The following MDFI variants were observed in gnomAD, a reference collection of about 807,000 sequenced individuals.
MDFI encodes the protein MyoD family inhibitor.
A neutral mutation model predicts 22.3 loss-of-function variants in MDFI; 16 were observed. The observed-to-expected ratio is 0.72, with a 90% CI of 0.49 to 1.09. MDFI has a LOEUF of 1.09. MDFI is among the 50% of genes least tolerant of loss of function. The probability of loss-of-function intolerance (pLI) is 0.00; values close to 1 mark genes in which losing one functional copy is unlikely to be tolerated. For synonymous variants in MDFI, 145 were observed against 142.7 expected (o/e 1.02, Z -0.12); for missense variants, 314 against 326.1 (o/e 0.96, Z 0.29).
At chr6:41,647,878 T>TAA (rs1328605405) in intron 3 of MDFI, among the ~76,000 whole-genome samples, 1 of 151,260 alleles carries the variant, frequency 6.6e-6, no homozygotes, top group South Asian at 2.1e-4. Context: ...CCATCCCTAC[T>TAA]AAAAAATACA....
chr6:41,642,797 G>A (rs1317020760), intron 2 of MDFI, among the ~76,000 whole-genome samples: 1 of 152,132 alleles, frequency 6.6e-6, no homozygotes, highest in Non-Finnish European at 1.5e-5. Context: ...TGTGGGATGG[G>A]CCTCCTCGGG....
rs376519328 is a variant in MDFI, at chr6:41,653,584, C to T, written c.*9C>T. On this transcript the variant is annotated 3_prime_UTR_variant, in exon 5 of 5. Transcript: ENST00000230321. This position sits in a 1 kb window ranked among gnomAD's most constrained non-coding sequence, Gnocchi z 4.2. ...TCTGCTTCTCCTCCTGAGCCTCTGTCGGGGGCTAAGCCAGCCTGGCGCCCC... is the reference window on the plus strand; with the variant it reads ...TCTGCTTCTCCTCCTGAGCCTCTGTTGGGGGCTAAGCCAGCCTGGCGCCCC... 6.1e-5 allele frequency: 97 copies of T among 1,599,222 alleles called. No homozygotes were observed. The highest frequency in any genetic ancestry group is 4.7e-4 in the African/African-American group (35 of 75,046).
At chr6:41,652,826 C>T (rs910668950) in intron 4 of MDFI, among the ~76,000 whole-genome samples, 2 of 152,008 alleles carry the variant, frequency 1.3e-5, no homozygotes, top group Admixed American at 1.3e-4. Context: ...CCATGTTGGC[C>T]AGGCTGGTCT....
In MDFI at chr6:41,653,738, G is replaced by GT; in HGVS notation, c.*164dup. 2.2e-6 allele frequency: 2 copies of GT among 912,376 alleles called. No individual in the cohort carries two copies. Among genetic ancestry groups the GT allele is most frequent in the Non-Finnish European group, 3.2e-6 (2 of 617,896 alleles). The allele number at this position is 912,376 out of a possible 1,614,324, so 56.5% of individuals were successfully genotyped here. A position where few individuals can be genotyped will look rare whatever the true frequency, so the allele number is the denominator to read the frequency against. On this transcript the variant is annotated 3_prime_UTR_variant, in exon 5 of 5. Transcript: ENST00000230321. The surrounding 1 kb of genome is among the most constrained non-coding windows in gnomAD (Gnocchi z 4.2). ...TCTCAGAACCCCAGCCTTGAAAATA[G>GT]TGGGGGGCACTCAGAGGGGCCACCT...
chr6:41,651,815 G>A (rs1331875738), intron 4 of MDFI, among the ~76,000 whole-genome samples: 1 of 152,226 alleles, frequency 6.6e-6, no homozygotes, highest in Non-Finnish European at 1.5e-5. Flanking sequence ...GCAGGACGTG[G>A]GTTCTAGAGC....
chr6:41,639,130 C>A, intron 2 of MDFI: 1 of 660,402 alleles, frequency 1.5e-6, no homozygotes, highest in Non-Finnish European at 1.9e-6. Flanking sequence ...CGGTGTCTGT[C>A]CGTCTGGGAT....
At chr6:41,646,782 T>G (rs1768069288) in intron 3 of MDFI, among the ~76,000 whole-genome samples, 1 of 152,180 alleles carries the variant, frequency 6.6e-6, no homozygotes, top group Non-Finnish European at 1.5e-5. Flanking sequence ...ATTTTCCACC[T>G]TCACCCTCAA....
At position 41,639,451 on chromosome 6, in the gene MDFI, C is replaced by T. The variant is rs1767768449; in HGVS notation, c.76+626C>T. On this transcript the variant is annotated intron_variant, in intron 2 of 4. Coordinates refer to ENST00000230321, the MANE Select transcript of MDFI (RefSeq NM_005586.4). ...AAATGCCCCGTCCCGCGCCTGGCGC[C>T]GTCTGTAACCTACCCGCGATTCCTG... 7.1e-6 allele frequency: 7 copies of T among 985,320 alleles called. No homozygotes were observed. In the Admixed American group the frequency reaches 1.8e-4, roughly 26 times the overall value. The allele number at this position is 985,320 out of a possible 1,614,324, so 61.0% of individuals were successfully genotyped here.
intron 3 of MDFI, among the ~76,000 whole-genome samples, chr6:41,646,622 G>A (rs1172212476): frequency 6.6e-6 from 1 of 152,138 alleles, no homozygotes; most frequent in Non-Finnish European, 1.5e-5. Context: ...GGTCCGGCAG[G>A]GAGCCAGGGC....
At chr6:41,648,243 T>G (rs1047600453) in intron 3 of MDFI, among the ~76,000 whole-genome samples, 1 of 152,190 alleles carries the variant, frequency 6.6e-6, no homozygotes, top group South Asian at 2.1e-4. Context: ...ACTTGCTAGC[T>G]GTGTGACCTT....
intron 3 of MDFI, among the ~76,000 whole-genome samples, chr6:41,646,919 A>C (rs559346250): frequency 1.3e-5 from 2 of 152,296 alleles, no homozygotes; most frequent in Non-Finnish European, 2.9e-5. Flanking sequence ...ATCAGCCTGC[A>C]ATGAGGCAGC....
chr6:41,640,545 G>A (rs1191082246), intron 2 of MDFI, among the ~76,000 whole-genome samples: 2 of 152,220 alleles, frequency 1.3e-5, no homozygotes, highest in Admixed American at 1.3e-4. Flanking sequence ...GAATGAGCCT[G>A]CTGCCCAGGA....
At chr6:41,652,442 A>G (rs376807595) in intron 4 of MDFI, among the ~76,000 whole-genome samples, 35 of 152,174 alleles carry the variant, frequency 2.3e-4, no homozygotes, top group African/African-American at 7.0e-4. Context: ...GAGGAGGGCC[A>G]GGATCCAACA....
At chr6:41,647,266 G>A (rs1373487984) in intron 3 of MDFI, among the ~76,000 whole-genome samples, 2 of 152,228 alleles carry the variant, frequency 1.3e-5, no homozygotes, top group Non-Finnish European at 2.9e-5. Flanking sequence ...CTGTGTCTGT[G>A]AGCCCTGAGT....
intron 2 of MDFI, 140 bp from the exon 3 acceptor site, chr6:41,645,986 A>C: frequency 1.4e-6 from 1 of 711,090 alleles, no homozygotes; most frequent in Non-Finnish European, 2.1e-6. Context: ...GTTGTCAGCT[A>C]GAGTAAGGGC....
At chr6:41,639,754 C>G in intron 2 of MDFI, 2 of 985,436 alleles carry the variant, frequency 2.0e-6, no homozygotes, top group Non-Finnish European at 2.4e-6. Flanking sequence ...CCCCTTTCCC[C>G]TCTTTGACTC....
At chr6:41,638,397 G>A (rs915345507), upstream of MDFI, 1 of 285,846 alleles carries the variant, frequency 3.5e-6, no homozygotes, top group African/African-American at 2.3e-5. This position sits in a 1 kb window ranked among gnomAD's most constrained non-coding sequence, Gnocchi z 7.6. Context: ...GCGGGGAGAG[G>A]GTGGGCCAGG....
At chr6:41,639,106 AC>A in intron 2 of MDFI, 1 of 522,114 alleles carries the variant, frequency 1.9e-6, no homozygotes, top group Non-Finnish European at 2.4e-6. Flanking sequence ...ACAAACACAC[AC>A]ACATACACTC....
In MDFI at chr6:41,638,553, G is replaced by A. The variant is rs796428522; in HGVS notation, c.-111G>A. 24 of 561,360 alleles carry A rather than the reference G, an allele frequency of 4.3e-5. No homozygotes were observed. Among genetic ancestry groups the A allele is most frequent in the Admixed American group, 1.9e-4 (5 of 26,364 alleles). The allele number at this position is 561,360 out of a possible 1,614,324, so 34.8% of individuals were successfully genotyped here. ...GGGAAGGGGCGCCAGGCGAGCACCC[G>A]GGAGCCAGCGGGACCTGGGCAGGGG... On this transcript the variant is annotated 5_prime_UTR_variant, in exon 1 of 5. Transcript: ENST00000230321. The surrounding 1 kb of genome is among the most constrained non-coding windows in gnomAD (Gnocchi z 7.6).
Sources: allele counts gnomAD v4.1 joint callset (sites outside exome capture counted in the v4.1 genomes callset), GRCh38; gene constraint gnomAD v4.1.1; non-coding constraint Gnocchi (gnomAD v3.1); transcripts MANE v1.5; gene names NCBI Gene and HGNC (gene_info 2026-07-23, HGNC 2026-07-21).